Variants in FUZ observed in about 807,000 individuals in gnomAD.
FUZ encodes protein fuzzy homolog.
FUZ carries 31 observed loss-of-function variants against 43.1 expected under a neutral mutation model. The observed-to-expected ratio is 0.72, with a 90% confidence interval of 0.54 to 0.97. FUZ has a LOEUF of 0.97. FUZ is among the 50% of genes least tolerant of loss of function. FUZ has a pLI of 0.00. For missense variants in FUZ, 539 were observed against 543.8 expected (o/e 0.99, Z 0.09); for synonymous variants, 274 against 250.0 (o/e 1.10, Z -0.91).
rs2073642103 is a variant in FUZ, at chr19:49,809,461, C to T, written c.607G>A (p.Val203Met). 6.4e-7 allele frequency: 1 copy of T among 1,558,058 alleles called. No homozygotes were observed. Among genetic ancestry groups the T allele is most frequent in the Non-Finnish European group, 8.7e-7 (1 of 1,155,498 alleles). The change falls in exon 6 of 11, where the codon GTG becomes ATG. Residue 203 changes from valine (V) to methionine (M), a missense_variant. Transcript: ENST00000313777. The surrounding 1 kb of genome is among the most constrained non-coding windows in gnomAD (Gnocchi z 5.1). ...GACCCCACCAGCCAGGGGAGCAGCA[C>T]GGCCTCGGGCGTCCCCAGCCGCCAC... ...GWWRLGTPEA[V>M]LLPWLVGSLP...
Position 49,811,365 on chromosome 19 carries a change from G to C in FUZ, c.490C>G (p.Gln164Glu). ...AGTTTCCATAGCATCCCCAGTACCT[G>C]CAAGAGGGACCCCTCTGGAGGAATC... is the stretch of plus-strand genomic sequence containing the variant. Reference protein sequence around the residue: ...CVIPPEGSLLQEALSGFAEAA... With the variant: ...CVIPPEGSLLEEALSGFAEAA... The change falls in exon 5 of 11, where the codon CAG becomes GAG. Residue 164 changes from glutamine to glutamate, a missense_variant and splice_region_variant. Coordinates refer to ENST00000313777, the MANE Select transcript of FUZ (RefSeq NM_025129.5). 2 of 1,598,490 alleles carry C rather than the reference G, an allele frequency of 1.3e-6. No homozygotes were observed. Among genetic ancestry groups the C allele is most frequent in the Non-Finnish European group, 1.7e-6 (2 of 1,170,068 alleles).
In FUZ at chr19:49,809,417, AGCGGTCTGCGGCG is replaced by A. The variant is rs1247273092; in HGVS notation, c.638_650del (p.Pro213LeufsTer20). ...GCGGCAGGTACACCGGGTAGTCGCG[AGCGGTCTGCGGCG>A]GCAGGGACCCCACCAGCCAGGGGAG... On this transcript the variant is annotated frameshift_variant, in exon 6 of 11. Coordinates refer to ENST00000313777, the MANE Select transcript of FUZ (RefSeq NM_025129.5). LOFTEE classifies it high-confidence loss of function. This position sits in a 1 kb window ranked among gnomAD's most constrained non-coding sequence, Gnocchi z 5.1. 20 of 1,543,488 alleles carry A rather than the reference AGCGGTCTGCGGCG, an allele frequency of 1.3e-5. No individual in the cohort carries two copies. Among genetic ancestry groups the A allele is most frequent in the Non-Finnish European group, 1.7e-5 (20 of 1,147,010 alleles).
Position 49,809,040 on chromosome 19 carries a change from T to C in FUZ, c.786+123A>G. 1.9e-6 allele frequency: 2 copies of C among 1,036,382 alleles called. No individual in the cohort carries two copies. Among genetic ancestry groups the C allele is most frequent in the Non-Finnish European group, 2.9e-6 (2 of 682,908 alleles). The allele number at this position is 1,036,382 out of a possible 1,614,324, so 64.2% of individuals were successfully genotyped here. On this transcript the variant is annotated intron_variant, in intron 7 of 10. Transcript: ENST00000313777. This position sits in a 1 kb window ranked among gnomAD's most constrained non-coding sequence, Gnocchi z 5.1. ...CGATCTTGGCGGGTAGGTGAATGACTGGAGCGCAGTCCAGAAGAGGCGGGG... is the reference window on the plus strand; with the variant it reads ...CGATCTTGGCGGGTAGGTGAATGACCGGAGCGCAGTCCAGAAGAGGCGGGG...
chr19:49,810,049 C>T lies in FUZ; in HGVS notation c.493-474G>A, dbSNP rs370212060. Among the ~76,000 whole-genome samples, 5 of 152,268 alleles carry T rather than the reference C, an allele frequency of 3.3e-5. No individual in the cohort carries two copies. In the East Asian group the frequency reaches 7.7e-4, roughly 24 times the overall value. Reference sequence around the variant, plus strand: ...TTGGAAACTTGTTGGGATCTCAGGACTGTGAGGTAGCTGGGTGGAAGTAGA... The same window carrying T: ...TTGGAAACTTGTTGGGATCTCAGGATTGTGAGGTAGCTGGGTGGAAGTAGA... On this transcript the variant is annotated intron_variant, in intron 5 of 10. Transcript: ENST00000313777.
chr19:49,806,982 GCA>G lies in FUZ; in HGVS notation c.*167_*168del, dbSNP rs1198376321. 1.3e-6 allele frequency: 2 copies of G among 1,517,730 alleles called. No homozygotes were observed. Among genetic ancestry groups the G allele is most frequent in the South Asian group, 2.4e-5 (2 of 82,884 alleles). The allele number at this position is 1,517,730 out of a possible 1,614,324, so 94.0% of individuals were successfully genotyped here. A position where few individuals can be genotyped will look rare whatever the true frequency, so the allele number is the denominator to read the frequency against. ...CCCCCTCCCTCCCTTTCCCCCCCAAGCACAGAGGGGAGAGGGGCCAGGGAAGT... is the reference window on the plus strand; with the variant it reads ...CCCCCTCCCTCCCTTTCCCCCCCAAGCAGAGGGGAGAGGGGCCAGGGAAGT... On this transcript the variant is annotated 3_prime_UTR_variant, in exon 11 of 11. Coordinates refer to ENST00000313777, the MANE Select transcript of FUZ (RefSeq NM_025129.5).
Position 49,808,456 on chromosome 19 carries a change from G to T in FUZ, c.991C>A (p.Arg331=). The change falls in exon 10 of 11, where the codon CGA becomes AGA. Residue 331 remains arginine (R), a synonymous_variant. Transcript: ENST00000313777. ...PSPEQRRRLL[R]NFYTLVTSTH... is the part of the protein sequence containing the mutation. ...GAGGTGACCAGGGTATAGAAGTTTC[G>T]GAGGAGGCGCCGGCGCTGTTCTGGT... 6.2e-7 allele frequency: 1 copy of T among 1,612,628 alleles called. No homozygotes were observed.
intron 3 of FUZ, 64 bp downstream of exon 3, chr19:49,812,187 G>C: frequency 8.6e-6 from 10 of 1,161,106 alleles, no homozygotes; most frequent in Non-Finnish European, 1.3e-5. Context: ...CTAGGTCTGA[G>C]GGAAAAGGAT....
In FUZ at chr19:49,809,555, A is replaced by C. The variant is rs759816887; in HGVS notation, c.513T>G (p.Ala171=). 3 of 1,598,876 alleles carry C rather than the reference A, an allele frequency of 1.9e-6. No individual in the cohort carries two copies. In the Admixed American group the frequency reaches 5.1e-5, roughly 27 times the overall value. ...SLLQEALSGF[A]EAAGTTFVSL... ...TGACGAAGGTCGTGCCCGCGGCCTC[A>C]GCGAACCCGGAGAGGGCTTCCTGGG... The change falls in exon 6 of 11, where the codon GCT becomes GCG. Residue 171 remains alanine, a synonymous_variant. Transcript: ENST00000313777. The surrounding 1 kb of genome is among the most constrained non-coding windows in gnomAD (Gnocchi z 5.1).
chr19:49,809,085 G>T lies in FUZ; in HGVS notation c.786+78C>A. ...GCGGGGCTGGGGAAAGATGCCGCTG[G>T]CAGGGCAGGGTGGTGGGGAAGGGCC... On this transcript the variant is annotated intron_variant, in intron 7 of 10. Coordinates refer to ENST00000313777, the MANE Select transcript of FUZ (RefSeq NM_025129.5). The surrounding 1 kb of genome is among the most constrained non-coding windows in gnomAD (Gnocchi z 5.1). 7.5e-7 allele frequency: 1 copy of T among 1,339,694 alleles called. No homozygotes were observed. Among genetic ancestry groups the T allele is most frequent in the Non-Finnish European group, 1.0e-6 (1 of 955,490 alleles). 83.0% of individuals were successfully genotyped at this position (1,339,694 alleles called of 1,614,324 possible). A position where few individuals can be genotyped will look rare whatever the true frequency, so the allele number is the denominator to read the frequency against.
At chr19:49,811,225 C>A (rs1398938968) in intron 5 of FUZ, 138 bp downstream of exon 5, 4 of 708,452 alleles carry the variant, frequency 5.6e-6, no homozygotes, top group East Asian at 2.7e-5. Flanking sequence ...AAAAAAGATT[C>A]TTCTGGGACC....
At position 49,812,710 on chromosome 19, in the gene FUZ, G is replaced by C; in HGVS notation, c.138C>G (p.Leu46=). 1 of 1,614,058 alleles carries C rather than the reference G, an allele frequency of 6.2e-7. No homozygotes were observed. The highest frequency in any genetic ancestry group is 2.2e-5 in the East Asian group (1 of 44,866). Residue 46 remains leucine (L), a synonymous_variant, in exon 2 of 11, where the codon CTC becomes CTG. Transcript: ENST00000313777. ...TCTGCCCAAACATGTGGACTCCATT[G>C]AGGGAACCGATGACAGAGAACGGGA... is the stretch of plus-strand genomic sequence containing the variant. ...QQLPFSVIGS[L]NGVHMFGQNL... is the part of the protein sequence containing the mutation.
chr19:49,807,475 A>T, intron 10 of FUZ, 101 bp from the exon 11 acceptor site: 1 of 1,272,646 alleles, frequency 7.9e-7, no homozygotes, highest in Admixed American at 2.0e-5. Context: ...GGGGTCTCTG[A>T]ACACAGGTTT....
At position 49,807,051 on chromosome 19, in the gene FUZ, C is replaced by G; in HGVS notation, c.*100G>C. The G allele has an allele frequency of 6.4e-7, 1 of 1,558,376 alleles. No homozygotes were observed. ...CCCACCCCACCCTGTTGTAGCCCCTCCTACCCCCTCCCCATCCAGGGGCTG... is the reference window on the plus strand; with the variant it reads ...CCCACCCCACCCTGTTGTAGCCCCTGCTACCCCCTCCCCATCCAGGGGCTG... On this transcript the variant is annotated 3_prime_UTR_variant, in exon 11 of 11. Coordinates refer to ENST00000313777, the MANE Select transcript of FUZ (RefSeq NM_025129.5).
In FUZ at chr19:49,809,584, G is replaced by A. The variant is rs765544634; in HGVS notation, c.493-9C>T. On this transcript the variant is annotated splice_polypyrimidine_tract_variant and intron_variant, in intron 5 of 10. Coordinates refer to ENST00000313777, the MANE Select transcript of FUZ (RefSeq NM_025129.5). This position sits in a 1 kb window ranked among gnomAD's most constrained non-coding sequence, Gnocchi z 5.1. ...AACCCGGAGAGGGCTTCCTGGGTAC[G>A]GGAGGCAGGAGGACTGGGAGTCAGC... is the stretch of plus-strand genomic sequence containing the variant. The A allele has an allele frequency of 3.8e-6, 6 of 1,585,844 alleles. No homozygotes were observed. The highest frequency in any genetic ancestry group is 1.3e-5 in the African/African-American group (1 of 74,664).
rs778626921 is a variant in FUZ, at chr19:49,811,449, C to T, written c.406G>A (p.Asp136Asn). Residue 136 changes from aspartate to asparagine, a missense_variant, in exon 5 of 11, where the codon GAC becomes AAC. Coordinates refer to ENST00000313777, the MANE Select transcript of FUZ (RefSeq NM_025129.5). ...AGCTCCGAGTCCCCCAGGAAGCTGT[C>T]GATGAGGCAATAACTGGCCTAGGAG... Reference protein sequence around the residue: ...KDLRASYCLIDSFLGDSELIG... With the variant: ...KDLRASYCLINSFLGDSELIG... The T allele has an allele frequency of 1.7e-5, 28 of 1,613,846 alleles. No individual in the cohort carries two copies. Among genetic ancestry groups the T allele is most frequent in the African/African-American group, 1.3e-4 (10 of 74,880 alleles).
At chr19:49,808,239 T>C in intron 10 of FUZ, 175 bp downstream of exon 10, 1 of 718,860 alleles carries the variant, frequency 1.4e-6, no homozygotes, top group East Asian at 2.7e-5. Context: ...GGACCTCCCT[T>C]CCCCTCCCTT....
chr19:49,808,670 G>C (rs1442715282), intron 8 of FUZ, 32 bp from the exon 9 acceptor site: 1 of 1,610,136 alleles, frequency 6.2e-7, no homozygotes. Flanking sequence ...GTCATGGCTG[G>C]GGAAGAGGAC....
Position 49,809,899 on chromosome 19 carries a change from A to T in FUZ, c.493-324T>A, listed in dbSNP as rs1359555718. 2.2e-6 allele frequency: 1 copy of T among 446,316 alleles called. No individual in the cohort carries two copies. Among genetic ancestry groups the T allele is most frequent in the African/African-American group, 2.0e-5 (1 of 50,134 alleles). 27.6% of individuals were successfully genotyped at this position (446,316 alleles called of 1,614,324 possible). A position where few individuals can be genotyped will look rare whatever the true frequency, so the allele number is the denominator to read the frequency against. On this transcript the variant is annotated intron_variant, in intron 5 of 10. Coordinates refer to ENST00000313777, the MANE Select transcript of FUZ (RefSeq NM_025129.5). The surrounding 1 kb of genome is among the most constrained non-coding windows in gnomAD (Gnocchi z 5.1). Reference sequence around the variant, plus strand: ...AGTAGGCACCATTAGCAACGTAGAGAAGCCAAGTCACCTGCTGAGAGTCAC... The same window carrying T: ...AGTAGGCACCATTAGCAACGTAGAGTAGCCAAGTCACCTGCTGAGAGTCAC...
Position 49,809,097 on chromosome 19 carries a change from GGTGGGGAA to G in FUZ, c.786+58_786+65del. ...AAAGATGCCGCTGGCAGGGCAGGGT[GGTGGGGAA>G]GGGCCCTCCTGGTAGCGGGTGTCCT... On this transcript the variant is annotated intron_variant, in intron 7 of 10. Coordinates refer to ENST00000313777, the MANE Select transcript of FUZ (RefSeq NM_025129.5). The surrounding 1 kb of genome is among the most constrained non-coding windows in gnomAD (Gnocchi z 5.1). 7.1e-7 allele frequency: 1 copy of G among 1,404,738 alleles called. No individual in the cohort carries two copies. Among genetic ancestry groups the G allele is most frequent in the Non-Finnish European group, 9.9e-7 (1 of 1,014,506 alleles). 87.0% of individuals were successfully genotyped at this position (1,404,738 alleles called of 1,614,324 possible).
Sources: gnomAD v4.1 joint callset for allele counts (sites outside exome capture counted in the v4.1 genomes callset) on GRCh38, gnomAD v4.1.1 for gene constraint, Gnocchi (gnomAD v3.1) non-coding constraint, MANE v1.5 for transcripts, NCBI Gene and HGNC (gene_info 2026-07-23, HGNC 2026-07-21) for gene names.